Variants in TRIM44 observed in about 807,000 individuals in gnomAD.
TRIM44 encodes tripartite motif containing 44.
TRIM44 carries 13 observed loss-of-function variants against 37.4 expected under a neutral mutation model. That is an observed-to-expected ratio of 0.35 (90% CI 0.23 to 0.55). The LOEUF (loss-of-function observed/expected upper bound fraction) is 0.55. Ranked by LOEUF, TRIM44 falls within the 20% of genes least tolerant of loss-of-function variation. The probability of loss-of-function intolerance (pLI) is 0.89; values close to 1 mark genes in which losing one functional copy is unlikely to be tolerated. For synonymous variants in TRIM44, 175 were observed against 157.2 expected (o/e 1.11, Z -0.85); for missense variants, 426 against 437.2 (o/e 0.97, Z 0.23).
chr11:35,673,073 C>T (rs1851417565), intron 1 of TRIM44, among the ~76,000 whole-genome samples: 1 of 152,142 alleles, frequency 6.6e-6, no homozygotes, highest in Non-Finnish European at 1.5e-5. Context: ...ATGCAGTGAA[C>T]TAGACAGATA....
chr11:35,735,574 G>T (rs1852317812), intron 4 of TRIM44, 129 bp downstream of exon 4: 1 of 899,606 alleles, frequency 1.1e-6, no homozygotes, highest in Middle Eastern at 2.2e-4. Flanking sequence ...TTAAGCCTGG[G>T]ATTTGAAGAT....
intron 2 of TRIM44, among the ~76,000 whole-genome samples, chr11:35,701,732 C>T (rs142430572): frequency 4.3e-4 from 66 of 152,216 alleles, no homozygotes; most frequent in Admixed American, 1.7e-3. Flanking sequence ...TACAGAAAGA[C>T]GCAAAGCATA....
At position 35,663,303 on chromosome 11, in the gene TRIM44, C is replaced by T; in HGVS notation, c.192C>T (p.Ser64=). The T allele has an allele frequency of 6.2e-7, 1 of 1,614,044 alleles. No homozygotes were observed. Among genetic ancestry groups the T allele is most frequent in the Non-Finnish European group, 8.5e-7 (1 of 1,179,998 alleles). ...SHHLAEYVHG[S]QAWTPPADGE... is the part of the protein sequence containing the mutation. ...ATCTGGCCGAATACGTCCACGGCTC[C>T]CAGGCCTGGACCCCGCCAGCTGACG... Residue 64 remains serine, a synonymous_variant, in exon 1 of 5, where the codon TCC becomes TCT. Coordinates refer to ENST00000299413, the MANE Select transcript of TRIM44 (RefSeq NM_017583.6).
At chr11:35,759,398 C>T (rs1479842277) in intron 4 of TRIM44, among the ~76,000 whole-genome samples, 1 of 152,052 alleles carries the variant, frequency 6.6e-6, no homozygotes. Context: ...GTTAGCCATT[C>T]GTCTAATTTT....
rs1853481312 is a variant in TRIM44, at chr11:35,808,257, T to TG, written c.*1874dup. On this transcript the variant is annotated 3_prime_UTR_variant, in exon 5 of 5. Coordinates refer to ENST00000299413, the MANE Select transcript of TRIM44 (RefSeq NM_017583.6). ...TTCTCTCAAACTGATGGCCAAGAAATGGCTAGGACAATTTTGGTGCTTTAC... is the reference window on the plus strand; with the variant it reads ...TTCTCTCAAACTGATGGCCAAGAAATGGGCTAGGACAATTTTGGTGCTTTAC... 1 of 125,858 alleles carries TG rather than the reference T, an allele frequency of 7.9e-6. No homozygotes were observed. Among genetic ancestry groups the TG allele is most frequent in the Admixed American group, 8.3e-5 (1 of 12,074 alleles). 7.8% of individuals were successfully genotyped at this position (125,858 alleles called of 1,614,324 possible). A position where few individuals can be genotyped will look rare whatever the true frequency, so the allele number is the denominator to read the frequency against.
rs868130714 is a variant in TRIM44, at chr11:35,809,038, C to A, written c.*2653C>A. The A allele has an allele frequency of 3.9e-5, 6 of 152,346 alleles. No individual in the cohort carries two copies. Among genetic ancestry groups the A allele is most frequent in the Middle Eastern group, 3.4e-3 (1 of 294 alleles). The allele number at this position is 152,346 out of a possible 1,614,324, so 9.4% of individuals were successfully genotyped here. A position where few individuals can be genotyped will look rare whatever the true frequency, so the allele number is the denominator to read the frequency against. On this transcript the variant is annotated 3_prime_UTR_variant, in exon 5 of 5. Transcript: ENST00000299413. Reference sequence around the variant, plus strand: ...TCCAGAATCAGTCGGATACTCATAGCAATTTCTGGCTATCTTTCAAATGTT... The same window carrying A: ...TCCAGAATCAGTCGGATACTCATAGAAATTTCTGGCTATCTTTCAAATGTT...
intron 4 of TRIM44, among the ~76,000 whole-genome samples, chr11:35,766,520 C>T (rs1449180665): frequency 6.6e-6 from 1 of 152,300 alleles, no homozygotes. Flanking sequence ...CATAGTTGGA[C>T]AACAGAGTGC....
At chr11:35,781,435 C>T (rs1306630513) in intron 4 of TRIM44, among the ~76,000 whole-genome samples, 2 of 152,106 alleles carry the variant, frequency 1.3e-5, no homozygotes, top group Non-Finnish European at 2.9e-5. Flanking sequence ...AGAGAACATG[C>T]GAGTTTACAT....
chr11:35,734,672 G>A (rs746930664), intron 3 of TRIM44, among the ~76,000 whole-genome samples: 6 of 152,210 alleles, frequency 3.9e-5, no homozygotes, highest in Non-Finnish European at 8.8e-5. Flanking sequence ...ATCACAGAAG[G>A]AAGCTCAAAG....
intron 4 of TRIM44, among the ~76,000 whole-genome samples, chr11:35,756,152 C>T (rs1429825998): frequency 2.6e-5 from 4 of 152,150 alleles, no homozygotes; most frequent in Non-Finnish European, 5.9e-5. Flanking sequence ...GAATGTTCTT[C>T]CATTTGTTTG....
At chr11:35,801,253 T>C (rs1299272528) in intron 4 of TRIM44, among the ~76,000 whole-genome samples, 1 of 152,236 alleles carries the variant, frequency 6.6e-6, no homozygotes, top group Non-Finnish European at 1.5e-5. Context: ...GGCAGTGTAA[T>C]TTTTGGAGAA....
At chr11:35,687,080 T>TA (rs1851590590) in intron 2 of TRIM44, among the ~76,000 whole-genome samples, 1 of 152,226 alleles carries the variant, frequency 6.6e-6, no homozygotes, top group African/African-American at 2.4e-5. Flanking sequence ...TAATGTAATA[T>TA]AGATGTGGAA....
At chr11:35,691,089 A>G (rs1288651129) in intron 2 of TRIM44, among the ~76,000 whole-genome samples, 1 of 152,208 alleles carries the variant, frequency 6.6e-6, no homozygotes, top group African/African-American at 2.4e-5. Flanking sequence ...GGACTGGAGA[A>G]TGGCCTTTTC....
intron 1 of TRIM44, among the ~76,000 whole-genome samples, chr11:35,677,937 AG>A (rs1289906004): frequency 6.6e-6 from 1 of 152,216 alleles, no homozygotes; most frequent in African/African-American, 2.4e-5. Flanking sequence ...TTTTTGAACT[AG>A]TGACCTGGGT....
At chr11:35,744,656 C>T (rs1035153574) in intron 4 of TRIM44, among the ~76,000 whole-genome samples, 8 of 152,004 alleles carry the variant, frequency 5.3e-5, no homozygotes, top group Non-Finnish European at 8.8e-5. Context: ...CTGCACAGAT[C>T]GTCCCATCGC....
chr11:35,757,816 A>T (rs1565003467), intron 4 of TRIM44, among the ~76,000 whole-genome samples: 1 of 152,074 alleles, frequency 6.6e-6, no homozygotes, highest in Non-Finnish European at 1.5e-5. Context: ...GTTTTTAGTG[A>T]GTTTCTTAAT....
rs528221416 is a variant in TRIM44 at position 35,791,552 on chromosome 11, A to G, written c.1008-14806A>G. On this transcript the variant is annotated intron_variant, in intron 4 of 4. Transcript: ENST00000299413. ...ATAAGCATTAGGAGCTGCTGATGAGACACGTTCTCTCACTGGACCATCGCA... is the reference window on the plus strand; with the variant it reads ...ATAAGCATTAGGAGCTGCTGATGAGGCACGTTCTCTCACTGGACCATCGCA... 2.0e-5 allele frequency among the ~76,000 whole-genome samples: 3 copies of G among 152,214 alleles called. No individual in the cohort carries two copies. In the South Asian group the frequency reaches 6.2e-4, roughly 32 times the overall value.
chr11:35,734,637 A>G (rs1388881940), intron 3 of TRIM44, among the ~76,000 whole-genome samples: 1 of 152,210 alleles, frequency 6.6e-6, no homozygotes, highest in Non-Finnish European at 1.5e-5. Flanking sequence ...GAAAGGCTTG[A>G]GAGTTATTTG....
intron 4 of TRIM44, among the ~76,000 whole-genome samples, chr11:35,760,791 T>C (rs1435397987): frequency 1.3e-5 from 2 of 152,262 alleles, no homozygotes; most frequent in Non-Finnish European, 2.9e-5. Flanking sequence ...TCATTTTTTA[T>C]AGTGAGAGCA....
Sources: gnomAD v4.1 joint callset for allele counts (sites outside exome capture counted in the v4.1 genomes callset) on GRCh38, gnomAD v4.1.1 for gene constraint, MANE v1.5 for transcripts, NCBI Gene and HGNC (gene_info 2026-07-23, HGNC 2026-07-21) for gene names.